CDH11: variants seen among roughly 807,000 people sequenced by gnomAD.
CDH11 encodes cadherin-11.
A neutral mutation model predicts 67.8 loss-of-function variants in CDH11; 11 were observed. The ratio of observed to expected loss-of-function variants is 0.16; its 90% CI spans 0.10 to 0.27. The LOEUF (loss-of-function observed/expected upper bound fraction) is 0.27. CDH11 is among the 10% of genes least tolerant of loss of function. CDH11 has a pLI of 1.00. For missense variants in CDH11, 847 were observed against 1,031.2 expected (o/e 0.82, Z 2.45); for synonymous variants, 419 against 400.0 (o/e 1.05, Z -0.57).
intron 2 of CDH11, among the ~76,000 whole-genome samples, chr16:65,043,150 G>T (rs2142676080): frequency 6.6e-6 from 1 of 152,308 alleles, no homozygotes; most frequent in Non-Finnish European, 1.5e-5. Flanking sequence ...TTTCTGTCTT[G>T]TTCACCACAG....
intron 8 of CDH11, among the ~76,000 whole-genome samples, chr16:64,976,841 C>T (rs550702053): frequency 6.9e-6 from 1 of 144,882 alleles, no homozygotes; most frequent in African/African-American, 2.5e-5. Context: ...GAGTGAGACT[C>T]GGTCTCCAAA....
chr16:65,065,060 GC>G (rs1363492330), intron 1 of CDH11, among the ~76,000 whole-genome samples: 1 of 152,168 alleles, frequency 6.6e-6, no homozygotes, highest in Non-Finnish European at 1.5e-5. Context: ...GGTCAGGTCA[GC>G]TATGCGAGGG....
At chr16:64,976,654 A>G (rs546786630) in intron 8 of CDH11, among the ~76,000 whole-genome samples, 1 of 152,302 alleles carries the variant, frequency 6.6e-6, no homozygotes, top group East Asian at 1.9e-4. Flanking sequence ...CAGGAGTTCA[A>G]GATTAGCCTG....
chr16:65,077,715 T>C (rs1234821375), intron 1 of CDH11, among the ~76,000 whole-genome samples: 1 of 152,228 alleles, frequency 6.6e-6, no homozygotes, highest in Non-Finnish European at 1.5e-5. Context: ...TATTACGTCA[T>C]TACGCAGCTA....
At chr16:64,968,551 G>A in intron 11 of CDH11, 1 of 985,366 alleles carries the variant, frequency 1.0e-6, no homozygotes, top group South Asian at 4.7e-5. Flanking sequence ...GCTGCCTGCT[G>A]AGTCGGCTTT....
chr16:65,074,820 G>T (rs933704108), intron 1 of CDH11, among the ~76,000 whole-genome samples: 1 of 152,146 alleles, frequency 6.6e-6, no homozygotes, highest in Non-Finnish European at 1.5e-5. Flanking sequence ...TCTTTAACTT[G>T]TTCCTAATTA....
At chr16:64,987,197 CT>C (rs1217781392) in intron 7 of CDH11, 1 of 152,206 alleles carries the variant, frequency 6.6e-6, no homozygotes, top group African/African-American at 2.4e-5. Context: ...GGGGGGAAAC[CT>C]TTTTAGAATG....
intron 8 of CDH11, among the ~76,000 whole-genome samples, chr16:64,977,836 T>C (rs1425109272): frequency 1.3e-5 from 2 of 152,228 alleles, no homozygotes; most frequent in African/African-American, 4.8e-5. Context: ...CTGACTGAAA[T>C]AACTTTGTAA....
rs940714907 is a variant in CDH11 at position 64,943,916 on chromosome 16, G to A, written c.*3687C>T. The A allele has an allele frequency of 2.6e-5, 6 of 229,602 alleles. No individual in the cohort carries two copies. Among genetic ancestry groups the A allele is most frequent in the African/African-American group, 1.3e-4 (6 of 45,108 alleles). The allele number at this position is 229,602 out of a possible 1,614,324, so 14.2% of individuals were successfully genotyped here. A position where few individuals can be genotyped will look rare whatever the true frequency, so the allele number is the denominator to read the frequency against. Reference sequence around the variant, plus strand: ...CCACCCACCCACACACATACATAAAGCCAAAAAGCAAAATAAGTTTAAAGA... The same window carrying A: ...CCACCCACCCACACACATACATAAAACCAAAAAGCAAAATAAGTTTAAAGA... On this transcript the variant is annotated 3_prime_UTR_variant, in exon 13 of 13. Transcript: ENST00000268603.
intron 2 of CDH11, among the ~76,000 whole-genome samples, chr16:65,039,559 T>A (rs1030161253): frequency 6.6e-6 from 1 of 152,138 alleles, no homozygotes; most frequent in Admixed American, 6.6e-5. Flanking sequence ...CAGAAATTAA[T>A]TCAAATGAAT....
Position 65,004,656 on chromosome 16 carries a change from C to T in CDH11, c.214G>A (p.Val72Met), listed in dbSNP as rs1459302268. 6.2e-6 allele frequency: 10 copies of T among 1,612,678 alleles called. No homozygotes were observed. Among genetic ancestry groups the T allele is most frequent in the Non-Finnish European group, 7.6e-6 (9 of 1,179,652 alleles). Residue 72 changes from valine to methionine, a missense_variant, in exon 3 of 13, where the codon GTG becomes ATG. Around this residue, in one of 2 missense-constraint regions of CDH11, gnomAD observed 235 missense variants for 352.5 expected, o/e 0.67. Coordinates refer to ENST00000268603, the MANE Select transcript of CDH11 (RefSeq NM_001797.4). The stretch of plus-strand genomic sequence containing the variant: ...GGCAGCCTTACCCTGCCCACAAGCA[C>T]GGGGTCAGGCCCGGTGTACTCCTCT... The part of the protein sequence containing the change: ...VIEEYTGPDP[V>M]LVGRLHSDID...
chr16:64,951,117 A>C, intron 11 of CDH11, 99 bp from the exon 12 acceptor site: 2 of 1,199,628 alleles, frequency 1.7e-6, no homozygotes, highest in Non-Finnish European at 2.3e-6. Flanking sequence ...CTTATCATAA[A>C]GGTTAACCGC....
chr16:64,945,876 A>G lies in CDH11; in HGVS notation c.*1727T>C. ...AACTGTAAAAATTGTCTGCAATCCAAGAAAAAGCACGTGCCCTGTGTGTAG... is the reference window on the plus strand; with the variant it reads ...AACTGTAAAAATTGTCTGCAATCCAGGAAAAAGCACGTGCCCTGTGTGTAG... On this transcript the variant is annotated 3_prime_UTR_variant, in exon 13 of 13. Transcript: ENST00000268603. The G allele has an allele frequency of 9.5e-7, 1 of 1,056,790 alleles. No individual in the cohort carries two copies. The allele number at this position is 1,056,790 out of a possible 1,614,324, so 65.5% of individuals were successfully genotyped here.
chr16:64,945,762 TG>T lies in CDH11; in HGVS notation c.*1840del. 1 of 1,043,246 alleles carries T rather than the reference TG, an allele frequency of 9.6e-7. No homozygotes were observed. The highest frequency in any genetic ancestry group is 1.7e-5 in the African/African-American group (1 of 59,958). 64.6% of individuals were successfully genotyped at this position (1,043,246 alleles called of 1,614,324 possible). ...GAGCACTTCATAAAAAACATTTCTT[TG>T]TATGCATGTTGACTAAATCATAAAA... On this transcript the variant is annotated 3_prime_UTR_variant, in exon 13 of 13. Transcript: ENST00000268603.
intron 11 of CDH11, among the ~76,000 whole-genome samples, chr16:64,965,005 T>C (rs1372503516): frequency 3.9e-5 from 6 of 152,102 alleles, no homozygotes; most frequent in Non-Finnish European, 8.8e-5. Context: ...CATTAACTCA[T>C]CATTTACGTT....
chr16:65,035,507 AAATCTGATTG>A (rs1471950199), intron 2 of CDH11, among the ~76,000 whole-genome samples: 1 of 152,182 alleles, frequency 6.6e-6, no homozygotes, highest in Non-Finnish European at 1.5e-5. Flanking sequence ...GCTAACATTT[AAATCTGATTG>A]AAGACTGCAT....
Position 64,947,071 on chromosome 16 carries a change from C to T in CDH11, c.*532G>A. The T allele has an allele frequency of 1.9e-6, 2 of 1,033,036 alleles. No homozygotes were observed. Among genetic ancestry groups the T allele is most frequent in the Non-Finnish European group, 2.3e-6 (2 of 858,300 alleles). 64.0% of individuals were successfully genotyped at this position (1,033,036 alleles called of 1,614,324 possible). A position where few individuals can be genotyped will look rare whatever the true frequency, so the allele number is the denominator to read the frequency against. On this transcript the variant is annotated 3_prime_UTR_variant, in exon 13 of 13. Transcript: ENST00000268603. ...AAAGATTTACAAGAATCAGCAGTAACAAGATTGATGCTCAAGAGACATAAT... is the reference window on the plus strand; with the variant it reads ...AAAGATTTACAAGAATCAGCAGTAATAAGATTGATGCTCAAGAGACATAAT...
At chr16:65,110,806 T>C (rs765526647) in intron 1 of CDH11, among the ~76,000 whole-genome samples, 45 of 152,128 alleles carry the variant, frequency 3.0e-4, no homozygotes, top group Non-Finnish European at 5.9e-4. Context: ...CTTCCTCCTA[T>C]AAAGGTGCTT....
chr16:65,069,232 T>C (rs1242281587), intron 1 of CDH11, among the ~76,000 whole-genome samples: 2 of 152,180 alleles, frequency 1.3e-5, no homozygotes, highest in African/African-American at 4.8e-5. Flanking sequence ...TAAAGAAACA[T>C]GGGAAAATAC....
Sources: allele counts gnomAD v4.1 joint callset (sites outside exome capture counted in the v4.1 genomes callset), GRCh38; gene constraint gnomAD v4.1.1; regional missense constraint gnomAD v4.1.1; transcripts MANE v1.5; gene names NCBI Gene and HGNC (gene_info 2026-07-23, HGNC 2026-07-21).